MRI1: variants seen among roughly 807,000 people sequenced by gnomAD.
MRI1 encodes methylthioribose-1-phosphate isomerase 1, also known as methylthioribose-1-phosphate isomerase.
Under a neutral mutation model 27.3 loss-of-function variants are expected in MRI1, and 32 were observed. That is an observed-to-expected ratio of 1.17 (90% CI 0.88 to 1.57). The LOEUF is 1.57. Among genes scored for constraint, MRI1 ranks in the 40% most tolerant of loss-of-function variants. MRI1 has a pLI of 0.00. For synonymous variants in MRI1, 216 were observed against 227.4 expected (o/e 0.95, Z 0.45); for missense variants, 508 against 516.1 (o/e 0.98, Z 0.15).
chr19:13,771,084 G>A (rs1405538134), intron 5 of MRI1, among the ~76,000 whole-genome samples: 2 of 151,724 alleles, frequency 1.3e-5, no homozygotes, highest in Non-Finnish European at 2.9e-5. Flanking sequence ...TTTGCCAGGT[G>A]TGGTGGTTCA....
Position 13,768,915 on chromosome 19 carries a change from T to A in MRI1, c.816T>A (p.His272Gln), listed in dbSNP as rs1399794507. The A allele has an allele frequency of 6.2e-7, 1 of 1,614,114 alleles. No individual in the cohort carries two copies. The highest frequency in any genetic ancestry group is 1.3e-5 in the African/African-American group (1 of 75,062). Residue 272 changes from histidine (H) to glutamine (Q), a missense_variant, in exon 5 of 6, where the codon CAT becomes CAA. Physicochemically the swap from His to Gln is conservative, Grantham distance 24. Around this residue, in one of 3 missense-constraint regions of MRI1, gnomAD observed 457 missense variants for 452.8 expected, o/e 1.01. Transcript: ENST00000040663. The part of the protein sequence containing the change: ...TYQLAIVAKH[H>Q]GIPFYVAAPS... ...AGCTGGCCATTGTCGCCAAGCACCA[T>A]GGCATTCCCTTCTACGTGGCTGCCC...
chr19:13,768,057 A>T (rs1974180491), intron 3 of MRI1, among the ~76,000 whole-genome samples: 1 of 151,036 alleles, frequency 6.6e-6, no homozygotes, highest in Non-Finnish European at 1.5e-5. Flanking sequence ...TTTAGTAGAG[A>T]TGGGGTTTCA....
At position 13,774,002 on chromosome 19, in the gene MRI1, T is replaced by A. The variant is rs990113782; in HGVS notation, c.*1721T>A. The A allele has an allele frequency of 6.4e-6, 1 of 157,194 alleles. No individual in the cohort carries two copies. The highest frequency in any genetic ancestry group is 6.1e-5 in the Admixed American group (1 of 16,392). The allele number at this position is 157,194 out of a possible 1,614,324, so 9.7% of individuals were successfully genotyped here. On this transcript the variant is annotated 3_prime_UTR_variant, in exon 6 of 6. Transcript: ENST00000040663. ...CCCCGCACTTGTGCCTTGAGCTTAC[T>A]GACCTCAACACCCTGGTTCCACTAA...
chr19:13,772,141 G>C lies in MRI1; in HGVS notation c.970G>C (p.Ala324Pro). ...AAPGIGVWNPAFDVTPHDLIT... is the reference protein window; with the variant it reads ...AAPGIGVWNPPFDVTPHDLIT... ...TGCAGGGATTGGAGTTTGGAATCCT[G>C]CCTTCGATGTCACCCCCCACGACCT... is the stretch of plus-strand genomic sequence containing the variant. Residue 324 changes from alanine (A) to proline (P), a missense_variant, in exon 6 of 6, where the codon GCC becomes CCC. This residue lies in a region of MRI1 where 457 missense variants were observed against 452.8 expected (regional missense o/e 1.01). Transcript: ENST00000040663. The C allele has an allele frequency of 1.2e-6, 2 of 1,613,070 alleles. No individual in the cohort carries two copies. Among genetic ancestry groups the C allele is most frequent in the Non-Finnish European group, 1.7e-6 (2 of 1,179,574 alleles).
chr19:13,765,067 A>G lies in MRI1; in HGVS notation c.329A>G (p.Glu110Gly). Residue 110 changes from glutamate (E) to glycine (G), a missense_variant, in exon 2 of 6, where the codon GAG (glutamate) becomes GGG (glycine). By Grantham distance (98) the Glu-to-Gly change is moderately conservative. Coordinates refer to ENST00000040663, the MANE Select transcript of MRI1 (RefSeq NM_001031727.4). ...ARDLADVAAR[E>G]AEREGATEEA... ...GACCTGGCTGATGTTGCAGCCCGGG[A>G]GGCCGAACGGGAGGGCGCTACGGAA... The G allele has an allele frequency of 6.6e-7, 1 of 1,525,404 alleles. No individual in the cohort carries two copies. The highest frequency in any genetic ancestry group is 8.8e-7 in the Non-Finnish European group (1 of 1,141,464). The allele number at this position is 1,525,404 out of a possible 1,614,324, so 94.5% of individuals were successfully genotyped here.
chr19:13,765,097 C>T lies in MRI1; in HGVS notation c.359C>T (p.Ala120Val), dbSNP rs1341926919. 1.9e-6 allele frequency: 3 copies of T among 1,539,128 alleles called. No homozygotes were observed. The highest frequency in any genetic ancestry group is 2.5e-5 in the East Asian group (1 of 40,030). Residue 120 changes from alanine (A) to valine (V), a missense_variant, in exon 2 of 6, where the codon GCG becomes GTG. By Grantham distance (64) the Ala-to-Val change is moderately conservative (BLOSUM62 0). Around this residue, in one of 3 missense-constraint regions of MRI1, gnomAD observed 457 missense variants for 452.8 expected, o/e 1.01. Transcript: ENST00000040663. Reference sequence around the variant, plus strand: ...GAACGGGAGGGCGCTACGGAAGAGGCGGTCCGGGAGAGGTACGGGGATCTG... The same window carrying T: ...GAACGGGAGGGCGCTACGGAAGAGGTGGTCCGGGAGAGGTACGGGGATCTG... ...EAEREGATEE[A>V]VRERVICCTE...
chr19:13,772,446 A>T lies in MRI1; in HGVS notation c.*165A>T. Reference sequence around the variant, plus strand: ...CAGCACCTAGAGCCAGGCTGCCCAGATTCAAATCCTGACTCCGCCACTTTT... The same window carrying T: ...CAGCACCTAGAGCCAGGCTGCCCAGTTTCAAATCCTGACTCCGCCACTTTT... On this transcript the variant is annotated 3_prime_UTR_variant, in exon 6 of 6. Coordinates refer to ENST00000040663, the MANE Select transcript of MRI1 (RefSeq NM_001031727.4). The T allele has an allele frequency of 1.7e-6, 1 of 604,048 alleles. No individual in the cohort carries two copies. Among genetic ancestry groups the T allele is most frequent in the Non-Finnish European group, 2.8e-6 (1 of 359,770 alleles). The allele number at this position is 604,048 out of a possible 1,614,324, so 37.4% of individuals were successfully genotyped here.
intron 3 of MRI1, among the ~76,000 whole-genome samples, chr19:13,767,039 T>TATATATATATATATA (rs1974150355): frequency 3.3e-5 from 1 of 30,142 alleles, no homozygotes; most frequent in Non-Finnish European, 5.3e-5. Flanking sequence ...ATATATATAT[T>TATATATATATATATA]TTTTTTTTTT....
Position 13,768,858 on chromosome 19 carries a change from C to T in MRI1, c.759C>T (p.Asn253=), listed in dbSNP as rs753268693. ...VVVGADRVVA[N]GDTANKVGTY... The stretch of plus-strand genomic sequence containing the variant: ...TGGGAGCTGACCGCGTGGTTGCCAA[C>T]GGCGACACAGCCAACAAGGTGGGCA... Residue 253 remains asparagine, a synonymous_variant, in exon 5 of 6, where the codon AAC becomes AAT. Coordinates refer to ENST00000040663, the MANE Select transcript of MRI1 (RefSeq NM_001031727.4). 2.7e-5 allele frequency: 44 copies of T among 1,611,094 alleles called. No homozygotes were observed. The South Asian group carries it at 3.2e-4, about 12-fold the overall frequency.
At chr19:13,771,979 A>C (rs1283923997) in intron 5 of MRI1, 142 bp from the exon 6 acceptor site, 1 of 696,328 alleles carries the variant, frequency 1.4e-6, no homozygotes, top group Non-Finnish European at 2.4e-6. Context: ...CCATGCCTGC[A>C]TGTACTTTTG....
intron 3 of MRI1, among the ~76,000 whole-genome samples, chr19:13,767,648 T>A (rs1599553453): frequency 7.4e-6 from 1 of 134,594 alleles, no homozygotes; most frequent in African/African-American, 2.9e-5. Flanking sequence ...CTACAAAAAA[T>A]ACTAAAATTA....
rs1281541117 is a variant in MRI1, at chr19:13,773,419, G to C, written c.*1138G>C. On this transcript the variant is annotated 3_prime_UTR_variant, in exon 6 of 6. Transcript: ENST00000040663. The stretch of plus-strand genomic sequence containing the variant: ...CTTTGGGAGGATCCCTTGAGCCCAG[G>C]TGTTTGAGACCAGTTTGGGTAACAT... 6.6e-6 allele frequency: 1 copy of C among 152,068 alleles called. No homozygotes were observed. The highest frequency in any genetic ancestry group is 2.4e-5 in the African/African-American group (1 of 41,410). 9.4% of individuals were successfully genotyped at this position (152,068 alleles called of 1,614,324 possible).
At chr19:13,767,031 ATATATATTTTTTTTTTTTTTTT>A (rs1469825047) in intron 3 of MRI1, among the ~76,000 whole-genome samples, 38 of 29,100 alleles carry the variant, frequency 1.3e-3, no homozygotes, top group African/African-American at 5.3e-3. Flanking sequence ...ATATATATAT[ATATATATTTTTTTTTTTTTTTT>A]TTTTTTTTTT....
At chr19:13,771,447 T>C (rs346154) in intron 5 of MRI1, among the ~76,000 whole-genome samples, 85,551 of 151,912 alleles carry the variant, frequency 0.56, 26,357 homozygotes, top group African/African-American at 0.83. Flanking sequence ...AGGAGAATCG[T>C]TTGAATCCAA....
intron 5 of MRI1, 60 bp downstream of exon 5, chr19:13,769,108 G>A (rs1354103321): frequency 2.2e-6 from 3 of 1,367,912 alleles, no homozygotes; most frequent in Non-Finnish European, 2.0e-6. Flanking sequence ...GGAGGCAGGT[G>A]ATATGCAGGT....
At chr19:13,772,024 ACT>A in intron 5 of MRI1, 95 bp from the exon 6 acceptor site, 2 of 1,246,470 alleles carry the variant, frequency 1.6e-6, no homozygotes. Flanking sequence ...GGACTCCCCA[ACT>A]CCAAGAACCA....
Position 13,772,358 on chromosome 19 carries a change from C to A in MRI1, c.*77C>A. Reference sequence around the variant, plus strand: ...GAATGGCTACCCAAAAGCTGACCGTCCAGCCCCTGACCACACTTGTTCCTA... The same window carrying A: ...GAATGGCTACCCAAAAGCTGACCGTACAGCCCCTGACCACACTTGTTCCTA... On this transcript the variant is annotated 3_prime_UTR_variant, in exon 6 of 6. Transcript: ENST00000040663. 7.0e-7 allele frequency: 1 copy of A among 1,427,218 alleles called. No individual in the cohort carries two copies. The highest frequency in any genetic ancestry group is 9.6e-7 in the Non-Finnish European group (1 of 1,045,146). 88.4% of individuals were successfully genotyped at this position (1,427,218 alleles called of 1,614,324 possible). A position where few individuals can be genotyped will look rare whatever the true frequency, so the allele number is the denominator to read the frequency against.
Position 13,764,635 on chromosome 19 carries a change from T to C in MRI1, c.47T>C (p.Leu16Pro). The C allele has an allele frequency of 6.2e-7, 1 of 1,608,466 alleles. No homozygotes were observed. The highest frequency in any genetic ancestry group is 8.5e-7 in the Non-Finnish European group (1 of 1,178,950). The change falls in exon 1 of 6, where the codon CTA becomes CCA. Residue 16 changes from leucine to proline, a missense_variant. By Grantham distance (98) the Leu-to-Pro change is moderately conservative (BLOSUM62 -3). Transcript: ENST00000040663. ...IRYSRGSLQI[L>P]DQLLLPKQSR... ...TACTCGCGGGGCTCCCTGCAGATCC[T>C]AGACCAGCTGCTGCTGCCCAAGCAG...
At position 13,768,748 on chromosome 19, in the gene MRI1, G is replaced by A. The variant is rs749189514; in HGVS notation, c.724+11G>A. 9.9e-6 allele frequency: 16 copies of A among 1,609,006 alleles called. No individual in the cohort carries two copies. The highest frequency in any genetic ancestry group is 3.3e-5 in the Admixed American group (2 of 59,746). ...ATAGGGGCGTGTCAGGTAAGCAGAC[G>A]GTAAGCCCTGGGGGCGGGGCTCTGG... is the stretch of plus-strand genomic sequence containing the variant. On this transcript the variant is annotated intron_variant, in intron 4 of 5. Coordinates refer to ENST00000040663, the MANE Select transcript of MRI1 (RefSeq NM_001031727.4).
Sources: gnomAD v4.1 joint callset for allele counts (sites outside exome capture counted in the v4.1 genomes callset) on GRCh38, gnomAD v4.1.1 for gene constraint, gnomAD v4.1.1 regional missense constraint, MANE v1.5 for transcripts, NCBI Gene and HGNC (gene_info 2026-07-23, HGNC 2026-07-21) for gene names.